Variants in COL18A1 observed in about 807,000 individuals in gnomAD.
The protein encoded by COL18A1 is collagen alpha-1(XVIII) chain.
A neutral mutation model predicts 168.0 loss-of-function variants in COL18A1; 133 were observed. That is an observed-to-expected ratio of 0.79 (90% CI 0.69 to 0.91). The LOEUF (loss-of-function observed/expected upper bound fraction) is 0.91. Ranked by LOEUF, COL18A1 falls within the 40% of genes least tolerant of loss-of-function variation. The pLI is 0.00. For missense variants in COL18A1, 2,126 were observed against 1,925.4 expected, an observed-to-expected ratio of 1.10 and a Z score of -1.95; for synonymous variants, 949 against 809.0, an observed-to-expected ratio of 1.17 and a Z score of -2.94.
chr21:45,495,492 G>A, intron 29 of COL18A1, 60 bp downstream of exon 29: 1 of 1,447,290 alleles, frequency 6.9e-7, no homozygotes, highest in Non-Finnish European at 9.5e-7. Flanking sequence ...GGAATGGCCT[G>A]GCCACAGCCT....
Position 45,457,080 on chromosome 21 carries a change from G to T in COL18A1, c.107-11162G>T, listed in dbSNP as rs979280237. 1.3e-5 allele frequency among the ~76,000 whole-genome samples: 2 copies of T among 152,140 alleles called. No homozygotes were observed. Among genetic ancestry groups the T allele is most frequent in the African/African-American group, 2.4e-5 (1 of 41,428 alleles). ...AGGCCGGCGTCTGGACAGGAAGAGGGCTGGATGAACCGCAGCCGATGTGTC... is the reference window on the plus strand; with the variant it reads ...AGGCCGGCGTCTGGACAGGAAGAGGTCTGGATGAACCGCAGCCGATGTGTC... On this transcript the variant is annotated intron_variant, in intron 2 of 41. Coordinates refer to ENST00000651438, the MANE Select transcript of COL18A1 (RefSeq NM_001379500.1). This position sits in a 1 kb window ranked among gnomAD's most constrained non-coding sequence, Gnocchi z 4.6.
At chr21:45,448,454 C>G (rs1429646802) in intron 2 of COL18A1, among the ~76,000 whole-genome samples, 2 of 152,266 alleles carry the variant, frequency 1.3e-5, no homozygotes, top group African/African-American at 4.8e-5. Context: ...TGTATGCACA[C>G]ATAATCCACA....
At chr21:45,504,156 T>C (rs1017527129) in intron 33 of COL18A1, 102 bp downstream of exon 33, 13 of 1,352,952 alleles carry the variant, frequency 9.6e-6, no homozygotes, top group Non-Finnish European at 1.4e-5. Context: ...GCCCCCTTCC[T>C]GTTCAGCCCT....
intron 2 of COL18A1, among the ~76,000 whole-genome samples, chr21:45,441,258 C>T (rs754410185): frequency 4.1e-4 from 63 of 152,312 alleles, no homozygotes; most frequent in Non-Finnish European, 6.9e-4. Context: ...GGCACACGCT[C>T]CTCCACCTGC....
At chr21:45,486,218 G>A (rs554466891) in intron 15 of COL18A1, among the ~76,000 whole-genome samples, 18 of 151,786 alleles carry the variant, frequency 1.2e-4, no homozygotes, top group African/African-American at 4.4e-4. Context: ...AGTGGTCCCA[G>A]GGTCCTGAGC....
At chr21:45,467,575 C>T (rs749747693) in intron 2 of COL18A1, among the ~76,000 whole-genome samples, 69 of 152,296 alleles carry the variant, frequency 4.5e-4, no homozygotes, top group Non-Finnish European at 8.4e-4. Context: ...AATCCCGCAC[C>T]GTGTCCTCAG....
chr21:45,503,758 C>T (rs1255345152), intron 32 of COL18A1, among the ~76,000 whole-genome samples: 1 of 151,572 alleles, frequency 6.6e-6, no homozygotes, highest in Non-Finnish European at 1.5e-5. Context: ...GCACATCATG[C>T]ACATGTACCC....
intron 34 of COL18A1, among the ~76,000 whole-genome samples, chr21:45,504,859 C>T (rs2037095460): frequency 6.6e-6 from 1 of 152,146 alleles, no homozygotes; most frequent in African/African-American, 2.4e-5. Flanking sequence ...GCCCATCAGT[C>T]CTGAAAGACT....
At chr21:45,479,488 G>GTGTGCACACA (rs1180563610) in intron 9 of COL18A1, among the ~76,000 whole-genome samples, 2 of 151,940 alleles carry the variant, frequency 1.3e-5, no homozygotes, top group African/African-American at 2.4e-5. Flanking sequence ...CACATACCAC[G>GTGTGCACACA]TGTGCACACA....
At position 45,480,419 on chromosome 21, in the gene COL18A1, C is replaced by T. The variant is rs2236466; in HGVS notation, c.1399-48C>T. ...GGGCAGGGGCCAGGAGTAGGCCAGGCGGGGGGCCGAGCTCAGGGCAACGTG... is the reference window on the plus strand; with the variant it reads ...GGGCAGGGGCCAGGAGTAGGCCAGGTGGGGGGCCGAGCTCAGGGCAACGTG... On this transcript the variant is annotated intron_variant, in intron 11 of 41. Transcript: ENST00000651438. 1.3e-4 allele frequency: 209 copies of T among 1,613,610 alleles called. 1 individual carries two copies. The African/African-American group carries it at 2.3e-3, about 18-fold the overall frequency.
rs1055573797 is a variant in COL18A1, at chr21:45,443,204, A to T, written c.107-25038A>T. Among the ~76,000 whole-genome samples the T allele has an allele frequency of 1.3e-5, 2 of 151,248 alleles. No individual in the cohort carries two copies. Among genetic ancestry groups the T allele is most frequent in the African/African-American group, 4.9e-5 (2 of 40,922 alleles). ...TGGAGGACAGCTGGGTCTTGCATCC[A>T]GCACAGGTCCTGGTGCCTGGGAGGT... On this transcript the variant is annotated intron_variant, in intron 2 of 41. Transcript: ENST00000651438. The surrounding 1 kb of genome is among the most constrained non-coding windows in gnomAD (Gnocchi z 5.2).
At chr21:45,500,497 A>G (rs1568933874) in intron 32 of COL18A1, among the ~76,000 whole-genome samples, 9 of 21,728 alleles carry the variant, frequency 4.1e-4, no homozygotes, top group Non-Finnish European at 4.1e-4. Context: ...TTGCGTGTGT[A>G]GTGTGGGGGT....
In COL18A1 at chr21:45,492,691, G is replaced by A. The variant is rs201805043; in HGVS notation, c.2192G>A (p.Arg731Gln). The A allele has an allele frequency of 3.8e-5, 61 of 1,610,786 alleles. No homozygotes were observed. In the Middle Eastern group the frequency reaches 5.1e-4, roughly 13 times the overall value. ...ACGCCGTCCCTCTTTCCCCAGGGCC[G>A]GCCGGGTTTCGCAGGCTTTCCCGTG... ...SVLSVPGPEG[R>Q]PGFAGFPGPA... The change falls in exon 24 of 42, where the codon CGG (arginine) becomes CAG (glutamine). Residue 731 changes from arginine (R) to glutamine (Q), a missense_variant. Transcript: ENST00000651438.
intron 2 of COL18A1, among the ~76,000 whole-genome samples, chr21:45,462,377 G>A (rs1412358781): frequency 1.3e-5 from 2 of 152,106 alleles, no homozygotes; most frequent in Non-Finnish European, 2.9e-5. Flanking sequence ...TCTTCTGTTT[G>A]CAGCTTCCAC....
At chr21:45,487,377 G>A in intron 16 of COL18A1, 70 bp from the exon 17 acceptor site, 1 of 1,566,300 alleles carries the variant, frequency 6.4e-7, no homozygotes, top group Non-Finnish European at 8.7e-7. Context: ...CTCGGGCAGT[G>A]CCACCCCAGG....
Position 45,475,496 on chromosome 21 carries a change from C to T in COL18A1, c.759C>T (p.Ser253=), listed in dbSNP as rs374330522. 2.9e-5 allele frequency: 46 copies of T among 1,605,910 alleles called. 1 individual carries two copies. The highest frequency in any genetic ancestry group is 1.7e-4 in the African/African-American group (13 of 74,960). ...CTCAGGCATCCGGAGACTCTGGCAG[C>T]GGGCTCGGGGACGCCCGGGAGCTTC... is the stretch of plus-strand genomic sequence containing the variant. The part of the protein sequence containing the change: ...DSDGASGDSG[S]GLGDARELLR... Residue 253 remains serine, a synonymous_variant, in exon 5 of 42, where the codon AGC becomes AGT. Coordinates refer to ENST00000651438, the MANE Select transcript of COL18A1 (RefSeq NM_001379500.1).
chr21:45,480,569 G>T, intron 12 of COL18A1, 49 bp downstream of exon 12: 2 of 1,613,970 alleles, frequency 1.2e-6, no homozygotes, highest in African/African-American at 2.7e-5. Flanking sequence ...TGCCCATGAG[G>T]AACAGGCCAT....
chr21:45,503,634 T>A (rs911166223), intron 32 of COL18A1, among the ~76,000 whole-genome samples: 2 of 90,346 alleles, frequency 2.2e-5, no homozygotes, highest in Non-Finnish European at 4.1e-5. Flanking sequence ...TGGGGACTGT[T>A]GTGGGGTGGG....
chr21:45,475,332 C>T (rs904905798), intron 4 of COL18A1, 144 bp from the exon 5 acceptor site: 2 of 763,420 alleles, frequency 2.6e-6, no homozygotes, highest in African/African-American at 1.7e-5. Flanking sequence ...CCAGCGGCCC[C>T]CCGGAGAGCA....
Sources: allele counts gnomAD v4.1 joint callset (sites outside exome capture counted in the v4.1 genomes callset), GRCh38; gene constraint gnomAD v4.1.1; non-coding constraint Gnocchi (gnomAD v3.1); transcripts MANE v1.5; gene names NCBI Gene and HGNC (gene_info 2026-07-23, HGNC 2026-07-21).